The following PALM variants were observed in gnomAD, a reference collection of about 807,000 sequenced individuals.
PALM encodes the protein paralemmin-1.
PALM carries 18 observed loss-of-function variants against 30.7 expected under a neutral mutation model. The ratio of observed to expected loss-of-function variants is 0.59; its 90% CI spans 0.41 to 0.87. The LOEUF (loss-of-function observed/expected upper bound fraction) is 0.87. Among genes scored for constraint, PALM ranks in the 40% least tolerant of loss-of-function variants. The pLI is 0.00. For missense variants in PALM, 529 were observed against 555.4 expected (o/e 0.95, Z 0.48); for synonymous variants, 286 against 242.8 (o/e 1.18, Z -1.66).
intron 1 of PALM, among the ~76,000 whole-genome samples, chr19:710,764 C>G (rs1015929084): frequency 6.6e-6 from 1 of 152,064 alleles, no homozygotes. Context: ...CCACAGGTCC[C>G]CCATTGGGTC....
At chr19:738,562 C>G (rs754715175) in intron 7 of PALM, among the ~76,000 whole-genome samples, 1 of 150,470 alleles carries the variant, frequency 6.6e-6, no homozygotes. Context: ...CTGCCCCCAA[C>G]GGGTGGGAAG....
chr19:726,625 C>T (rs1364304729), intron 2 of PALM, among the ~76,000 whole-genome samples: 1 of 152,024 alleles, frequency 6.6e-6, no homozygotes, highest in Non-Finnish European at 1.5e-5. Context: ...GCCTCAGCCT[C>T]TCGAGTAGCT....
intron 1 of PALM, among the ~76,000 whole-genome samples, chr19:716,625 A>T (rs2144850715): frequency 6.6e-6 from 1 of 152,156 alleles, no homozygotes; most frequent in East Asian, 1.9e-4. Context: ...CCTGTCAGGG[A>T]GCGAGAAGCT....
At chr19:712,085 C>T (rs976597218) in intron 1 of PALM, among the ~76,000 whole-genome samples, 10 of 151,500 alleles carry the variant, frequency 6.6e-5, no homozygotes, top group Non-Finnish European at 1.2e-4. Flanking sequence ...TGCAGTGCTG[C>T]GATCTCCACT....
In PALM at chr19:722,107, AC is replaced by A. The variant is rs780611538; in HGVS notation, c.6-4030del. On this transcript the variant is annotated intron_variant, in intron 1 of 8. Coordinates refer to ENST00000338448, the MANE Select transcript of PALM (RefSeq NM_002579.3). ...CTAATTTTTTGTGTTTTTAGTAGAG[AC>A]GGGGTTTCACCGTGTTAGCCAGGAT... Among the ~76,000 whole-genome samples the A allele has an allele frequency of 2.0e-5, 3 of 149,422 alleles. No homozygotes were observed. In the East Asian group the frequency reaches 6.0e-4, roughly 30 times the overall value.
chr19:735,958 G>A (rs1006081842), intron 6 of PALM, 61 bp from the exon 7 acceptor site: 2 of 1,418,688 alleles, frequency 1.4e-6, no homozygotes, highest in African/African-American at 2.9e-5. Context: ...GGCTGTCTGG[G>A]GGGTCCATGT....
At chr19:728,550 C>T (rs2032767380) in intron 4 of PALM, among the ~76,000 whole-genome samples, 1 of 152,160 alleles carries the variant, frequency 6.6e-6, no homozygotes, top group Non-Finnish European at 1.5e-5. Flanking sequence ...GTTCACACCC[C>T]TGATCCCAGC....
In PALM at chr19:746,958, C is replaced by T. The variant is rs952806302; in HGVS notation, c.*144C>T. ...TACATGTTCCTTCCGAGTTTTCTTT[C>T]GCTGGAAAGAGGGACAGGGGCCCCC... On this transcript the variant is annotated 3_prime_UTR_variant, in exon 9 of 9. Coordinates refer to ENST00000338448, the MANE Select transcript of PALM (RefSeq NM_002579.3). The surrounding 1 kb of genome is among the most constrained non-coding windows in gnomAD (Gnocchi z 7.1). 5.6e-5 allele frequency: 35 copies of T among 626,310 alleles called. No homozygotes were observed. Among genetic ancestry groups the T allele is most frequent in the South Asian group, 9.9e-5 (5 of 50,572 alleles). 38.8% of individuals were successfully genotyped at this position (626,310 alleles called of 1,614,324 possible).
chr19:720,062 G>T (rs9676721), intron 1 of PALM, among the ~76,000 whole-genome samples: 18,778 of 151,790 alleles, frequency 0.12, 1,318 homozygotes, highest in African/African-American at 0.2. Flanking sequence ...GCCCAGACGG[G>T]GACCCCCCTC....
intron 1 of PALM, among the ~76,000 whole-genome samples, chr19:724,816 G>A (rs1019267471): frequency 6.6e-6 from 1 of 151,916 alleles, no homozygotes; most frequent in African/African-American, 2.4e-5. Flanking sequence ...TAGAGATGGG[G>A]TCTTACTAGA....
intron 1 of PALM, among the ~76,000 whole-genome samples, chr19:715,933 G>T (rs1020406575): frequency 1.3e-5 from 2 of 152,090 alleles, no homozygotes; most frequent in African/African-American, 4.8e-5. Context: ...GGGGGTGGAG[G>T]GCGTCCTCTA....
chr19:740,501 C>G lies in PALM; in HGVS notation c.634+18C>G, dbSNP rs1295583725. ...GACCAAAGGTACGAGCACCCCGGCC[C>G]CTGCCCTCCCTCCACCTGGGCCAGA... On this transcript the variant is annotated intron_variant, in intron 8 of 8. Transcript: ENST00000338448. 1 of 1,544,326 alleles carries G rather than the reference C, an allele frequency of 6.5e-7. No homozygotes were observed. Among genetic ancestry groups the G allele is most frequent in the Non-Finnish European group, 8.8e-7 (1 of 1,142,588 alleles).
chr19:709,986 G>A lies in PALM; in HGVS notation c.5+835G>A, dbSNP rs1435190344. On this transcript the variant is annotated intron_variant, in intron 1 of 8. Coordinates refer to ENST00000338448, the MANE Select transcript of PALM (RefSeq NM_002579.3). The surrounding 1 kb of genome is among the most constrained non-coding windows in gnomAD (Gnocchi z 4.3). ...CGGACACCGGTCCCCTCCTCCCGGTGCTCGGGTGCCCCTCTGCCCCTCACT... is the reference window on the plus strand; with the variant it reads ...CGGACACCGGTCCCCTCCTCCCGGTACTCGGGTGCCCCTCTGCCCCTCACT... Among the ~76,000 whole-genome samples, 1 of 152,144 alleles carries A rather than the reference G, an allele frequency of 6.6e-6. No homozygotes were observed. Among genetic ancestry groups the A allele is most frequent in the Non-Finnish European group, 1.5e-5 (1 of 68,014 alleles).
chr19:719,114 C>T (rs1568220315), intron 1 of PALM: 2 of 984,966 alleles, frequency 2.0e-6, no homozygotes, highest in Non-Finnish European at 2.4e-6. Context: ...CTGGGCTCGG[C>T]GCCTGCCCGG....
At chr19:734,541 C>A in intron 6 of PALM, 1 of 284,020 alleles carries the variant, frequency 3.5e-6, no homozygotes. Context: ...CTGTCTCTGC[C>A]AAACATAAAA....
chr19:725,835 C>A (rs2032641776), intron 1 of PALM, among the ~76,000 whole-genome samples: 1 of 152,138 alleles, frequency 6.6e-6, no homozygotes, highest in African/African-American at 2.4e-5. Context: ...TCCCGAAACA[C>A]CCTTCTCTGG....
intron 1 of PALM, among the ~76,000 whole-genome samples, chr19:715,073 G>A (rs1021054620): frequency 6.6e-6 from 1 of 152,190 alleles, no homozygotes; most frequent in African/African-American, 2.4e-5. Context: ...AGACCAGCCT[G>A]GCCAACATAG....
In PALM at chr19:746,033, G is replaced by C. The variant is rs1046731817; in HGVS notation, c.635-252G>C. ...AGATCACGCCATTGCACTCCAGCCTGGGCGACAGAGTGAGACTCCGTCTCA... is the reference window on the plus strand; with the variant it reads ...AGATCACGCCATTGCACTCCAGCCTCGGCGACAGAGTGAGACTCCGTCTCA... On this transcript the variant is annotated intron_variant, in intron 8 of 8. Transcript: ENST00000338448. The surrounding 1 kb of genome is among the most constrained non-coding windows in gnomAD (Gnocchi z 7.1). 1.3e-5 allele frequency among the ~76,000 whole-genome samples: 2 copies of C among 152,222 alleles called. No individual in the cohort carries two copies. Among genetic ancestry groups the C allele is most frequent in the Non-Finnish European group, 2.9e-5 (2 of 68,044 alleles).
intron 1 of PALM, chr19:719,713 C>CA: frequency 3.7e-6 from 3 of 807,898 alleles, no homozygotes; most frequent in Non-Finnish European, 4.5e-6. Flanking sequence ...GCGCCGGGGT[C>CA]CTGGTCCCAG....
Sources: gnomAD v4.1 joint callset for allele counts (sites outside exome capture counted in the v4.1 genomes callset) on GRCh38, gnomAD v4.1.1 for gene constraint, Gnocchi (gnomAD v3.1) non-coding constraint, MANE v1.5 for transcripts, NCBI Gene and HGNC (gene_info 2026-07-23, HGNC 2026-07-21) for gene names.